Variants in WARS2 observed in about 807,000 individuals in gnomAD.
WARS2 encodes the protein tryptophan--tRNA ligase, mitochondrial.
Under a neutral mutation model 36.5 loss-of-function variants are expected in WARS2, and 28 were observed. That is an observed-to-expected ratio of 0.77 (90% CI 0.57 to 1.05). The LOEUF (loss-of-function observed/expected upper bound fraction) is 1.05. WARS2 is among the 50% of genes least tolerant of loss of function. The pLI is 0.00. For missense variants in WARS2, 435 were observed against 456.8 expected (o/e 0.95, Z 0.44); for synonymous variants, 174 against 178.4 (o/e 0.98, Z 0.20).
At chr1:119,035,600 T>C (rs1647811579) in intron 4 of WARS2, among the ~76,000 whole-genome samples, 2 of 152,086 alleles carry the variant, frequency 1.3e-5, no homozygotes, top group African/African-American at 4.8e-5. Context: ...TAGAGAACCT[T>C]GATGAGGGGT....
At chr1:119,097,716 G>A (rs67024035) in intron 1 of WARS2, among the ~76,000 whole-genome samples, 9,062 of 152,130 alleles carry the variant, frequency 0.06, 523 homozygotes, top group East Asian at 0.22. Context: ...TGAAATCCTC[G>A]AGGGAAAGAA....
Position 119,042,352 on chromosome 1 carries a change from G to A in WARS2, c.430-3C>T. 6.2e-7 allele frequency: 1 copy of A among 1,613,538 alleles called. No homozygotes were observed. The highest frequency in any genetic ancestry group is 8.5e-7 in the Non-Finnish European group (1 of 1,179,594). On this transcript the variant is annotated splice_polypyrimidine_tract_variant and splice_region_variant and intron_variant, in intron 3 of 5. Transcript: ENST00000235521. Reference sequence around the variant, plus strand: ...TGCTTCTGCTTGGTAGTCTTTGCCTGTGAGAGGTGAAAAGAGAGGAGGGGA... The same window carrying A: ...TGCTTCTGCTTGGTAGTCTTTGCCTATGAGAGGTGAAAAGAGAGGAGGGGA...
chr1:119,056,964 T>A (rs1204421957), intron 2 of WARS2, among the ~76,000 whole-genome samples: 1 of 152,156 alleles, frequency 6.6e-6, no homozygotes, highest in Non-Finnish European at 1.5e-5. Context: ...TAAGGTAGAT[T>A]TATCATTTTA....
intron 2 of WARS2, among the ~76,000 whole-genome samples, chr1:119,061,203 TAAGAA>T (rs1245377844): frequency 1.3e-5 from 2 of 152,186 alleles, no homozygotes; most frequent in African/African-American, 2.4e-5. Context: ...AAACCATTCT[TAAGAA>T]AAGAGGCAGT....
chr1:119,068,822 C>A (rs1651074641), intron 2 of WARS2, among the ~76,000 whole-genome samples: 1 of 115,748 alleles, frequency 8.6e-6, no homozygotes, highest in East Asian at 2.3e-4. Flanking sequence ...CCCTCTCTCT[C>A]TTACTCTCTC....
chr1:119,046,174 G>A (rs1648803413), intron 2 of WARS2, among the ~76,000 whole-genome samples: 3 of 151,982 alleles, frequency 2.0e-5, no homozygotes, highest in South Asian at 4.2e-4. Flanking sequence ...TAGATATAGG[G>A]TAACTTGAAA....
chr1:119,125,246 C>A (rs1020165400), intron 1 of WARS2, among the ~76,000 whole-genome samples: 3 of 152,118 alleles, frequency 2.0e-5, no homozygotes, highest in East Asian at 3.9e-4. Context: ...CTACTTTGTA[C>A]ATGTTCTCAC....
At chr1:119,097,259 A>T (rs1009753230) in intron 1 of WARS2, among the ~76,000 whole-genome samples, 4 of 152,228 alleles carry the variant, frequency 2.6e-5, no homozygotes, top group African/African-American at 9.6e-5. Context: ...CAGAAAAAAT[A>T]GCCCAATTAC....
chr1:119,100,074 A>T (rs1368228152), intron 1 of WARS2, among the ~76,000 whole-genome samples: 2 of 152,246 alleles, frequency 1.3e-5, no homozygotes, highest in Non-Finnish European at 2.9e-5. Flanking sequence ...AATACCCAGA[A>T]TATACAAGGA....
At chr1:119,078,919 T>C (rs971109170) in intron 1 of WARS2, among the ~76,000 whole-genome samples, 2 of 150,930 alleles carry the variant, frequency 1.3e-5, no homozygotes, top group African/African-American at 2.4e-5. Flanking sequence ...TGTGTGTGTG[T>C]GCATATATGG....
At chr1:119,100,491 G>A (rs186842777) in intron 1 of WARS2, among the ~76,000 whole-genome samples, 18 of 152,268 alleles carry the variant, frequency 1.2e-4, no homozygotes, top group Non-Finnish European at 2.2e-4. Context: ...ATCTGCACTC[G>A]CATGTTTACT....
At chr1:119,063,224 T>C (rs1175418064) in intron 2 of WARS2, 1 of 152,654 alleles carries the variant, frequency 6.6e-6, no homozygotes, top group Non-Finnish European at 1.5e-5. Context: ...TTGTGGAACT[T>C]TGAACTTGAG....
In WARS2 at chr1:119,034,124, T is replaced by G; in HGVS notation, c.605A>C (p.Glu202Ala). The G allele has an allele frequency of 6.2e-7, 1 of 1,613,994 alleles. No homozygotes were observed. Among genetic ancestry groups the G allele is most frequent in the Non-Finnish European group, 8.5e-7 (1 of 1,179,888 alleles). The change falls in exon 5 of 6, where the codon GAG becomes GCG. Residue 202 changes from glutamate (E) to alanine (A), a missense_variant. Coordinates refer to ENST00000235521, the MANE Select transcript of WARS2 (RefSeq NM_015836.4). ...AATGGACTCGGGCACTGGAAAGAAC[T>G]CCCCATACTTCTTGTTGAAACCTTG... ...LAQGFNKKYG[E>A]FFPVPESILT...
Position 119,140,582 on chromosome 1 carries a change from C to CT in WARS2, c.62dup (p.Ser23IlefsTer35). 1.2e-6 allele frequency: 2 copies of CT among 1,613,918 alleles called. No homozygotes were observed. The highest frequency in any genetic ancestry group is 1.7e-6 in the Non-Finnish European group (2 of 1,179,864). ...GGAGAGCGGGAGCAGCTGCGGATCC[C>CT]TTATGAAGTGCCCGGATGAAGCTCC... On this transcript the variant is annotated frameshift_variant, in exon 1 of 6. Coordinates refer to ENST00000235521, the MANE Select transcript of WARS2 (RefSeq NM_015836.4). LOFTEE classifies it high-confidence loss of function.
intron 1 of WARS2, among the ~76,000 whole-genome samples, chr1:119,137,173 T>C (rs1656568558): frequency 6.6e-6 from 1 of 152,192 alleles, no homozygotes; most frequent in Non-Finnish European, 1.5e-5. Flanking sequence ...AATATTAATT[T>C]CTTGATTTTG....
intron 2 of WARS2, among the ~76,000 whole-genome samples, chr1:119,071,107 C>T (rs1241171534): frequency 2.0e-5 from 3 of 151,996 alleles, no homozygotes; most frequent in South Asian, 2.1e-4. Flanking sequence ...TGTTTGAACC[C>T]GGGAGGCAGA....
intron 1 of WARS2, chr1:119,085,298 C>T (rs1652545902): frequency 8.9e-7 from 1 of 1,129,840 alleles, no homozygotes; most frequent in Non-Finnish European, 1.3e-6. Flanking sequence ...CCTTGGGGAG[C>T]TTCCGCCCCT....
At chr1:119,067,292 C>T (rs1333329549) in intron 2 of WARS2, among the ~76,000 whole-genome samples, 1 of 152,156 alleles carries the variant, frequency 6.6e-6, no homozygotes, top group Non-Finnish European at 1.5e-5. Context: ...GTGGTTACCT[C>T]TGGGAAGGCA....
At chr1:119,135,417 T>C (rs763797065) in intron 1 of WARS2, among the ~76,000 whole-genome samples, 36 of 152,334 alleles carry the variant, frequency 2.4e-4, no homozygotes, top group Non-Finnish European at 5.0e-4. Flanking sequence ...CAGGGATTCA[T>C]GTAAGATTTC....
Sources: gnomAD v4.1 joint callset for allele counts (sites outside exome capture counted in the v4.1 genomes callset) on GRCh38, gnomAD v4.1.1 for gene constraint, MANE v1.5 for transcripts, NCBI Gene and HGNC (gene_info 2026-07-23, HGNC 2026-07-21) for gene names.